RAB11FIP5: variants seen among roughly 807,000 people sequenced by gnomAD.
The protein encoded by RAB11FIP5 is rab11 family-interacting protein 5.
RAB11FIP5 carries 48 observed loss-of-function variants against 85.1 expected under a neutral mutation model. That is an observed-to-expected ratio of 0.56 (90% CI 0.45 to 0.72). The LOEUF is 0.72. Among genes scored for constraint, RAB11FIP5 ranks in the 30% least tolerant of loss-of-function variants. The probability of loss-of-function intolerance (pLI) is 0.00; values close to 1 mark genes in which losing one functional copy is unlikely to be tolerated. For synonymous variants in RAB11FIP5, 729 were observed against 727.3 expected, an observed-to-expected ratio of 1.00 and a Z score of -0.04; for missense variants, 1,491 against 1,687.0, an observed-to-expected ratio of 0.88 and a Z score of 2.04.
chr2:73,105,341 C>T (rs1254873129), intron 1 of RAB11FIP5, among the ~76,000 whole-genome samples: 2 of 152,160 alleles, frequency 1.3e-5, no homozygotes, highest in East Asian at 1.9e-4. Flanking sequence ...CTCCCGGGCT[C>T]AAGTGATCCT....
chr2:73,099,161 T>C lies in RAB11FIP5; in HGVS notation c.432-9846A>G, dbSNP rs142154908. 2.3e-4 allele frequency among the ~76,000 whole-genome samples: 35 copies of C among 151,616 alleles called. 1 individual carries two copies. In the East Asian group the frequency reaches 6.8e-3, roughly 30 times the overall value. The stretch of plus-strand genomic sequence containing the variant: ...GCCTCCTGAGTTCAAGCAATTCTCC[T>C]GTCTCAGCCTCCCAAGTAGCTGGGC... On this transcript the variant is annotated intron_variant, in intron 1 of 5. Transcript: ENST00000486777.
At position 73,075,442 on chromosome 2, in the gene RAB11FIP5, C is replaced by A; in HGVS notation, c.*79G>T. The A allele has an allele frequency of 7.2e-7, 1 of 1,381,004 alleles. No homozygotes were observed. Among genetic ancestry groups the A allele is most frequent in the Non-Finnish European group, 1.0e-6 (1 of 967,546 alleles). The allele number at this position is 1,381,004 out of a possible 1,614,324, so 85.5% of individuals were successfully genotyped here. ...AGGCAAGACAGACGATGCCCCACTG[C>A]AGATGAGAGAGTTCAGGAGGAGAGA... On this transcript the variant is annotated 3_prime_UTR_variant, in exon 6 of 6. Transcript: ENST00000486777. This position sits in a 1 kb window ranked among gnomAD's most constrained non-coding sequence, Gnocchi z 4.6.
intron 4 of RAB11FIP5, 77 bp downstream of exon 4, chr2:73,079,574 C>G: frequency 8.1e-7 from 1 of 1,229,518 alleles, no homozygotes; most frequent in Non-Finnish European, 1.0e-6. Flanking sequence ...GGAGTGTGAA[C>G]CCCTCAGTCC....
At chr2:73,087,113 G>T (rs56026282) in intron 3 of RAB11FIP5, among the ~76,000 whole-genome samples, 1 of 152,268 alleles carries the variant, frequency 6.6e-6, no homozygotes, top group East Asian at 1.9e-4. Flanking sequence ...CCATGGAGCG[G>T]GAAGGGCAGG....
chr2:73,081,780 G>A lies in RAB11FIP5; in HGVS notation c.1569-117C>T, dbSNP rs1180384266. 2 of 984,550 alleles carry A rather than the reference G, an allele frequency of 2.0e-6. No homozygotes were observed. Among genetic ancestry groups the A allele is most frequent in the Non-Finnish European group, 2.6e-6 (2 of 763,216 alleles). 61.0% of individuals were successfully genotyped at this position (984,550 alleles called of 1,614,324 possible). A position where few individuals can be genotyped will look rare whatever the true frequency, so the allele number is the denominator to read the frequency against. The stretch of plus-strand genomic sequence containing the variant: ...AGGGGCCATAACACACACATAGGCT[G>A]GATTTACCTACTTGGGCCAGGGTAC... On this transcript the variant is annotated intron_variant, in intron 3 of 5. Coordinates refer to ENST00000486777, the MANE Select transcript of RAB11FIP5 (RefSeq NM_001371272.1). This position sits in a 1 kb window ranked among gnomAD's most constrained non-coding sequence, Gnocchi z 4.2.
At chr2:73,107,000 A>G (rs1246541442) in intron 1 of RAB11FIP5, among the ~76,000 whole-genome samples, 5 of 152,150 alleles carry the variant, frequency 3.3e-5, no homozygotes, top group African/African-American at 1.2e-4. Flanking sequence ...GCCCAGCTCC[A>G]TACAGAGGCC....
rs571466222 is a variant in RAB11FIP5, at chr2:73,108,392, G to A, written c.431+3955C>T. On this transcript the variant is annotated intron_variant, in intron 1 of 5. Coordinates refer to ENST00000486777, the MANE Select transcript of RAB11FIP5 (RefSeq NM_001371272.1). ...GACCATTTCACCCTTATCAGGATGA[G>A]GGAGAAGGTGGACAGGGGCTCCATA... Among the ~76,000 whole-genome samples, 3 of 152,288 alleles carry A rather than the reference G, an allele frequency of 2.0e-5. No homozygotes were observed. The South Asian group carries it at 6.2e-4, about 32-fold the overall frequency.
At chr2:73,087,533 G>A (rs910659688) in intron 3 of RAB11FIP5, among the ~76,000 whole-genome samples, 20 of 152,170 alleles carry the variant, frequency 1.3e-4, no homozygotes, top group African/African-American at 4.6e-4. Context: ...GTGAATGGAC[G>A]GGGGAAGGAG....
chr2:73,099,213 C>A (rs1177215862), intron 1 of RAB11FIP5, among the ~76,000 whole-genome samples: 2 of 152,004 alleles, frequency 1.3e-5, no homozygotes, highest in Non-Finnish European at 2.9e-5. Flanking sequence ...CCATGCCCAG[C>A]AATTTTTTGT....
At chr2:73,107,555 A>T (rs1684553241) in intron 1 of RAB11FIP5, among the ~76,000 whole-genome samples, 1 of 152,062 alleles carries the variant, frequency 6.6e-6, no homozygotes, top group Non-Finnish European at 1.5e-5. Context: ...GCTCAGGGCC[A>T]GGGGCAGATG....
intron 1 of RAB11FIP5, among the ~76,000 whole-genome samples, chr2:73,091,654 G>A (rs1487498413): frequency 2.0e-5 from 3 of 152,182 alleles, no homozygotes; most frequent in Admixed American, 6.5e-5. Context: ...AAAGCTTGGT[G>A]GTAGTGGTGG....
At chr2:73,103,692 G>A (rs1684471271) in intron 1 of RAB11FIP5, among the ~76,000 whole-genome samples, 1 of 152,170 alleles carries the variant, frequency 6.6e-6, no homozygotes, top group African/African-American at 2.4e-5. Context: ...ACCCTTAAAA[G>A]TAGGCCAAAC....
intron 1 of RAB11FIP5, among the ~76,000 whole-genome samples, chr2:73,095,835 A>ACAGACGCTGAAGAC (rs1266232905): frequency 1.1e-3 from 168 of 152,320 alleles, no homozygotes; most frequent in African/African-American, 3.7e-3. Context: ...GCTACACATC[A>ACAGACGCTGAAGAC]CAGACCCTGA....
At chr2:73,107,745 A>G (rs188778099) in intron 1 of RAB11FIP5, among the ~76,000 whole-genome samples, 1 of 152,314 alleles carries the variant, frequency 6.6e-6, no homozygotes, top group Admixed American at 6.5e-5. Context: ...TTCTGAGTGC[A>G]GCCACACCCT....
chr2:73,095,376 CA>C (rs1033948015), intron 1 of RAB11FIP5, among the ~76,000 whole-genome samples: 1 of 150,688 alleles, frequency 6.6e-6, no homozygotes, highest in Admixed American at 6.6e-5. Context: ...CTGCAAAGTG[CA>C]AAAAAAAATC....
rs1233326793 is a variant in RAB11FIP5, at chr2:73,086,980, G to C, written c.1568+1070C>G. ...CTCTCAACAGACTCAGAGTGCCACA[G>C]GGAAACAAAAAGCCAGGACTACAAG... is the stretch of plus-strand genomic sequence containing the variant. On this transcript the variant is annotated intron_variant, in intron 3 of 5. Transcript: ENST00000486777. The surrounding 1 kb of genome is among the most constrained non-coding windows in gnomAD (Gnocchi z 4.4). Among the ~76,000 whole-genome samples the C allele has an allele frequency of 6.6e-6, 1 of 152,202 alleles. No individual in the cohort carries two copies. The highest frequency in any genetic ancestry group is 1.5e-5 in the Non-Finnish European group (1 of 68,038).
intron 1 of RAB11FIP5, among the ~76,000 whole-genome samples, chr2:73,093,648 G>A (rs1400590656): frequency 6.6e-6 from 1 of 152,208 alleles, no homozygotes; most frequent in Non-Finnish European, 1.5e-5. Context: ...TGGCCCTCAG[G>A]TGGGGACAAC....
rs1228494864 is a variant in RAB11FIP5, at chr2:73,112,514, C to T, written c.264G>A (p.Ala88=). The change falls in exon 1 of 6, where the codon GCG becomes GCA. Residue 88 remains alanine (A), a synonymous_variant. Transcript: ENST00000486777. The part of the protein sequence containing the change: ...PPGALDGLLR[A]QEADAGPAPW... Reference sequence around the variant, plus strand: ...GCGCCGGGCCCGCGTCGGCCTCCTGCGCCCGCAGCAGGCCATCCAGGGCCC... The same window carrying T: ...GCGCCGGGCCCGCGTCGGCCTCCTGTGCCCGCAGCAGGCCATCCAGGGCCC... 1.1e-5 allele frequency: 16 copies of T among 1,506,174 alleles called. No homozygotes were observed. The highest frequency in any genetic ancestry group is 1.3e-5 in the South Asian group (1 of 79,166). 93.3% of individuals were successfully genotyped at this position (1,506,174 alleles called of 1,614,324 possible).
chr2:73,091,362 C>T (rs1684206302), intron 1 of RAB11FIP5, among the ~76,000 whole-genome samples: 1 of 152,122 alleles, frequency 6.6e-6, no homozygotes. Context: ...CCCAGCCAAT[C>T]GAGCATGAAG....
Sources: allele counts gnomAD v4.1 joint callset (sites outside exome capture counted in the v4.1 genomes callset), GRCh38; gene constraint gnomAD v4.1.1; non-coding constraint Gnocchi (gnomAD v3.1); transcripts MANE v1.5; gene names NCBI Gene and HGNC (gene_info 2026-07-23, HGNC 2026-07-21).